The following ANKRD30BL variants were observed in gnomAD, a reference collection of about 807,000 sequenced individuals.
ANKRD30BL encodes the protein putative ankyrin repeat domain-containing protein 30B-like.
ANKRD30BL carries 20 observed loss-of-function variants against 18.4 expected under a neutral mutation model. That is an observed-to-expected ratio of 1.09 (90% CI 0.77 to 1.58). The LOEUF is 1.58. Ranked by LOEUF, ANKRD30BL falls within the 40% of genes most tolerant of loss-of-function variation. The probability of loss-of-function intolerance (pLI) is 0.00; values close to 1 mark genes in which losing one functional copy is unlikely to be tolerated. For synonymous variants in ANKRD30BL, 72 were observed against 100.9 expected (o/e 0.71, Z 1.72); for missense variants, 224 against 268.6 (o/e 0.83, Z 1.16).
intron 1 of ANKRD30BL, among the ~76,000 whole-genome samples, chr2:132,182,080 C>G (rs185103842): frequency 1.0e-3 from 159 of 151,522 alleles, no homozygotes; most frequent in African/African-American, 3.4e-3. Context: ...CACCACTGCA[C>G]TCTAGCCTGG....
At chr2:132,234,445 C>T (rs1467752136) in intron 1 of ANKRD30BL, among the ~76,000 whole-genome samples, 2 of 151,484 alleles carry the variant, frequency 1.3e-5, no homozygotes, top group Non-Finnish European at 2.9e-5. Flanking sequence ...GCTAGCAAGA[C>T]TAATAAAGAA....
At chr2:132,203,259 C>T (rs1016381659) in intron 1 of ANKRD30BL, among the ~76,000 whole-genome samples, 1 of 152,272 alleles carries the variant, frequency 6.6e-6, no homozygotes, top group African/African-American at 2.4e-5. Flanking sequence ...TTGGTTCTAA[C>T]TTTCAAATCA....
At chr2:132,223,121 A>C (rs1679740828) in intron 1 of ANKRD30BL, among the ~76,000 whole-genome samples, 1 of 151,930 alleles carries the variant, frequency 6.6e-6, no homozygotes, top group African/African-American at 2.4e-5. Context: ...TTACATAAAA[A>C]TTAGACAGCA....
chr2:132,213,170 G>A (rs2315182), intron 1 of ANKRD30BL, among the ~76,000 whole-genome samples: 1 of 151,392 alleles, frequency 6.6e-6, no homozygotes, highest in East Asian at 2.0e-4. Context: ...CTAGACAAAA[G>A]CATTCTGAGA....
chr2:132,246,320 G>T (rs932284850), intron 1 of ANKRD30BL, among the ~76,000 whole-genome samples: 2 of 151,882 alleles, frequency 1.3e-5, no homozygotes, highest in African/African-American at 4.8e-5. Context: ...CTAGACAGAA[G>T]AATTCTCAGA....
At chr2:132,180,281 G>T (rs1209465631) in intron 1 of ANKRD30BL, among the ~76,000 whole-genome samples, 1 of 146,058 alleles carries the variant, frequency 6.8e-6, no homozygotes, top group Non-Finnish European at 1.5e-5. Context: ...CTACCACTGT[G>T]TTACAGTTGC....
intron 1 of ANKRD30BL, among the ~76,000 whole-genome samples, chr2:132,246,710 C>T (rs1193592077): frequency 5.9e-5 from 9 of 151,922 alleles, no homozygotes; most frequent in Non-Finnish European, 7.4e-5. Context: ...CTGACTTGAA[C>T]ATTCTTTTTC....
chr2:132,179,518 C>T (rs1688423909), intron 1 of ANKRD30BL, among the ~76,000 whole-genome samples: 1 of 152,000 alleles, frequency 6.6e-6, no homozygotes. Flanking sequence ...TGAACTGCTG[C>T]CCTCAAGTGA....
intron 1 of ANKRD30BL, among the ~76,000 whole-genome samples, chr2:132,239,435 C>G (rs927205563): frequency 6.6e-6 from 1 of 151,512 alleles, no homozygotes; most frequent in Non-Finnish European, 1.5e-5. Context: ...AATCTTGAAT[C>G]GCTTTGAGGT....
intron 1 of ANKRD30BL, among the ~76,000 whole-genome samples, chr2:132,171,011 C>T (rs1573813888): frequency 6.6e-6 from 1 of 152,150 alleles, no homozygotes; most frequent in African/African-American, 2.4e-5. Context: ...AAAAAATTAG[C>T]CGGGCGTGGT....
At position 132,201,084 on chromosome 2, in the gene ANKRD30BL, C is replaced by A. The variant is rs1573835686; in HGVS notation, n.442-43938G>T. On this transcript the variant is annotated intron_variant and non_coding_transcript_variant, in intron 1 of 4. Coordinates refer to the ANKRD30BL transcript ENST00000470729. Reference sequence around the variant, plus strand: ...TAATAAATGGTTCTGGGAAAACTGGCTAGCCATATGTAGAAAGCTGAAACT... The same window carrying A: ...TAATAAATGGTTCTGGGAAAACTGGATAGCCATATGTAGAAAGCTGAAACT... 2.0e-5 allele frequency among the ~76,000 whole-genome samples: 3 copies of A among 152,174 alleles called. No homozygotes were observed. The South Asian group carries it at 6.2e-4, about 32-fold the overall frequency.
chr2:132,248,974 G>A (rs796745640), intron 1 of ANKRD30BL, among the ~76,000 whole-genome samples: 1 of 151,952 alleles, frequency 6.6e-6, no homozygotes, highest in African/African-American at 2.4e-5. Flanking sequence ...TTTCACCATA[G>A]GCCTCAAACT....
intron 1 of ANKRD30BL, among the ~76,000 whole-genome samples, chr2:132,200,503 A>C (rs112264471): frequency 0.027 from 4,073 of 151,856 alleles, 203 homozygotes; most frequent in African/African-American, 0.092. Context: ...ACCAACAACA[A>C]ACAAACAGAG....
At position 132,223,612 on chromosome 2, in the gene ANKRD30BL, C is replaced by T. The variant is rs548122121; in HGVS notation, n.441+33917G>A. ...AGAGCTTTGAGGCCTTCGTTGGAAT[C>T]GGTTATATCTTCACATAAACACTAG... On this transcript the variant is annotated intron_variant and non_coding_transcript_variant, in intron 1 of 4. Coordinates refer to the ANKRD30BL transcript ENST00000470729. 2.0e-4 allele frequency among the ~76,000 whole-genome samples: 31 copies of T among 151,732 alleles called. No individual in the cohort carries two copies. In the South Asian group the frequency reaches 4.0e-3, roughly 19 times the overall value.
intron 1 of ANKRD30BL, among the ~76,000 whole-genome samples, chr2:132,228,751 T>C (rs1335285936): frequency 2.8e-5 from 4 of 144,516 alleles, no homozygotes; most frequent in African/African-American, 2.9e-5. Context: ...TTGTGGCCTA[T>C]GGTAGAAAAG....
At chr2:132,213,978 C>T (rs4306761) in intron 1 of ANKRD30BL, among the ~76,000 whole-genome samples, 14 of 139,392 alleles carry the variant, frequency 1.0e-4, no homozygotes, top group African/African-American at 2.4e-4. Context: ...TGGTCAATAA[C>T]GAAATATATT....
At chr2:132,242,434 G>A (rs1199620830) in intron 1 of ANKRD30BL, among the ~76,000 whole-genome samples, 2 of 151,860 alleles carry the variant, frequency 1.3e-5, no homozygotes, top group East Asian at 3.9e-4. Context: ...TCAAGTCACA[G>A]AGTTGAACAT....
At chr2:132,173,301 CT>C (rs35866741) in intron 1 of ANKRD30BL, among the ~76,000 whole-genome samples, 4,903 of 129,308 alleles carry the variant, frequency 0.038, 221 homozygotes, top group African/African-American at 0.13. Flanking sequence ...AATTTTGCTT[CT>C]TTTTTTTTTT....
At chr2:132,187,536 G>A (rs1160653588) in intron 1 of ANKRD30BL, among the ~76,000 whole-genome samples, 9 of 151,638 alleles carry the variant, frequency 5.9e-5, no homozygotes, top group Admixed American at 2.0e-4. Flanking sequence ...GGATGGTCTC[G>A]ATCTCTTAAC....
Sources: gnomAD v4.1 joint callset for allele counts (sites outside exome capture counted in the v4.1 genomes callset) on GRCh38, gnomAD v4.1.1 for gene constraint, MANE v1.5 for transcripts, NCBI Gene and HGNC (gene_info 2026-07-23, HGNC 2026-07-21) for gene names.